The following CTTNBP2 variants were observed in gnomAD, a reference collection of about 807,000 sequenced individuals.
CTTNBP2 encodes the protein cortactin binding protein 2.
A neutral mutation model predicts 156.9 loss-of-function variants in CTTNBP2; 108 were observed. The ratio of observed to expected loss-of-function variants is 0.69; its 90% CI spans 0.59 to 0.81. The LOEUF is 0.81. Among genes scored for constraint, CTTNBP2 ranks in the 30% least tolerant of loss-of-function variants. The pLI is 0.00. For synonymous variants in CTTNBP2, 767 were observed against 751.8 expected (o/e 1.02, Z -0.33); for missense variants, 1,924 against 2,035.4 (o/e 0.95, Z 1.05).
At chr7:117,712,492 T>C (rs1794113472) in intron 22 of CTTNBP2, 1 of 152,210 alleles carries the variant, frequency 6.6e-6, no homozygotes, top group African/African-American at 2.4e-5. Context: ...ATTTTCCCTA[T>C]ATTGCATTAA....
chr7:117,844,420 C>G (rs891899673), intron 2 of CTTNBP2, among the ~76,000 whole-genome samples: 1 of 152,050 alleles, frequency 6.6e-6, no homozygotes, highest in South Asian at 2.1e-4. Context: ...ACAAGATGTA[C>G]AGAGAGACAG....
chr7:117,756,875 C>T (rs1223096064), intron 11 of CTTNBP2, among the ~76,000 whole-genome samples: 1 of 152,188 alleles, frequency 6.6e-6, no homozygotes, highest in Non-Finnish European at 1.5e-5. Flanking sequence ...CCTTCCTCCA[C>T]CCCCTGGGAT....
At chr7:117,776,788 T>A (rs1048666424) in intron 8 of CTTNBP2, among the ~76,000 whole-genome samples, 3 of 152,240 alleles carry the variant, frequency 2.0e-5, no homozygotes, top group African/African-American at 4.8e-5. Context: ...TCCTTGTGTT[T>A]TTTTATGTGT....
intron 2 of CTTNBP2, among the ~76,000 whole-genome samples, chr7:117,822,966 T>C (rs566026467): frequency 4.6e-5 from 7 of 152,370 alleles, no homozygotes; most frequent in Non-Finnish European, 7.3e-5. Flanking sequence ...TGTCTATTTG[T>C]TTTTAATTGT....
chr7:117,868,301 G>C (rs554112708), intron 1 of CTTNBP2, among the ~76,000 whole-genome samples: 1 of 152,320 alleles, frequency 6.6e-6, no homozygotes, highest in Non-Finnish European at 1.5e-5. Flanking sequence ...GGCTGGGCCA[G>C]ATGAAGACGC....
At chr7:117,788,806 C>T (rs953980175) in intron 4 of CTTNBP2, among the ~76,000 whole-genome samples, 1 of 152,134 alleles carries the variant, frequency 6.6e-6, no homozygotes, top group Non-Finnish European at 1.5e-5. Context: ...GCCTCCAGTG[C>T]CTCCGTTCTC....
At chr7:117,849,812 C>G (rs1366113565) in intron 2 of CTTNBP2, among the ~76,000 whole-genome samples, 1 of 152,172 alleles carries the variant, frequency 6.6e-6, no homozygotes, top group African/African-American at 2.4e-5. Flanking sequence ...ACACGCAAGC[C>G]AGCCCTGCAT....
intron 22 of CTTNBP2, chr7:117,715,754 A>T (rs1442332354): frequency 6.6e-6 from 1 of 152,188 alleles, no homozygotes; most frequent in East Asian, 1.9e-4. Flanking sequence ...TTGTTTTCCA[A>T]CAGATAATGA....
chr7:117,711,971 A>G (rs569940882), intron 22 of CTTNBP2, among the ~76,000 whole-genome samples, 189 bp from the exon 23 acceptor site: 1 of 152,350 alleles, frequency 6.6e-6, no homozygotes, highest in Non-Finnish European at 1.5e-5. Context: ...CATGATTTTC[A>G]TTAATCCATC....
intron 8 of CTTNBP2, among the ~76,000 whole-genome samples, chr7:117,773,214 A>G (rs1797885541): frequency 6.6e-6 from 1 of 152,144 alleles, no homozygotes; most frequent in Non-Finnish European, 1.5e-5. Flanking sequence ...GACTCCTATT[A>G]TCTTGTTCTT....
chr7:117,809,946 C>T (rs1800169115), intron 3 of CTTNBP2, among the ~76,000 whole-genome samples: 1 of 152,182 alleles, frequency 6.6e-6, no homozygotes, highest in Non-Finnish European at 1.5e-5. Context: ...GAGCTTCTAG[C>T]TTTCTCACTC....
chr7:117,857,139 T>C (rs144537418), intron 2 of CTTNBP2, among the ~76,000 whole-genome samples: 21 of 152,170 alleles, frequency 1.4e-4, no homozygotes, highest in East Asian at 9.6e-4. Context: ...CTGAATGTTA[T>C]CTGTTTGTTC....
chr7:117,847,574 A>G (rs1584541317), intron 2 of CTTNBP2, among the ~76,000 whole-genome samples: 1 of 152,210 alleles, frequency 6.6e-6, no homozygotes, highest in South Asian at 2.1e-4. Flanking sequence ...ATTAGAGAAA[A>G]TAACTAGCCA....
intron 19 of CTTNBP2, among the ~76,000 whole-genome samples, chr7:117,723,006 G>T (rs927628799): frequency 6.6e-6 from 1 of 152,100 alleles, no homozygotes. Context: ...GCAAATGAAA[G>T]GTATAATCCT....
intron 2 of CTTNBP2, among the ~76,000 whole-genome samples, chr7:117,854,813 C>G (rs531391345): frequency 1.3e-5 from 2 of 152,024 alleles, no homozygotes; most frequent in Non-Finnish European, 2.9e-5. Context: ...GAGACAGAGT[C>G]TCGCTCTATC....
chr7:117,726,285 A>G (rs1795091496), intron 17 of CTTNBP2, among the ~76,000 whole-genome samples: 1 of 152,244 alleles, frequency 6.6e-6, no homozygotes, highest in Admixed American at 6.5e-5. Context: ...AAGCTTAGAC[A>G]TTGCATAAAA....
intron 5 of CTTNBP2, among the ~76,000 whole-genome samples, chr7:117,783,180 C>CGT (rs3059528): frequency 0.1 from 15,388 of 151,616 alleles, 1,167 homozygotes; most frequent in African/African-American, 0.21. Context: ...CACTAAGATG[C>CGT]GTGTGTGTGT....
At chr7:117,802,812 C>A (rs1799710511) in intron 3 of CTTNBP2, among the ~76,000 whole-genome samples, 1 of 151,984 alleles carries the variant, frequency 6.6e-6, no homozygotes, top group Non-Finnish European at 1.5e-5. Flanking sequence ...CAGAGAAATG[C>A]AAATCAAAAC....
intron 3 of CTTNBP2, among the ~76,000 whole-genome samples, chr7:117,798,753 A>G (rs900004631): frequency 2.0e-4 from 30 of 152,200 alleles, no homozygotes; most frequent in Admixed American, 7.2e-4. Context: ...GAAGAAATAA[A>G]TGATAGAGAA....
Sources: allele counts gnomAD v4.1 joint callset (sites outside exome capture counted in the v4.1 genomes callset), GRCh38; gene constraint gnomAD v4.1.1; transcripts MANE v1.5; gene names NCBI Gene and HGNC (gene_info 2026-07-23, HGNC 2026-07-21).